JMY: variants seen among roughly 807,000 people sequenced by gnomAD.
JMY encodes junction-mediating and -regulatory protein.
JMY carries 46 observed loss-of-function variants against 103.3 expected under a neutral mutation model. The observed-to-expected ratio is 0.45, with a 90% CI of 0.35 to 0.57. JMY has a LOEUF of 0.57. Among genes scored for constraint, JMY ranks in the 20% least tolerant of loss-of-function variants. The probability of loss-of-function intolerance (pLI) is 0.00; values close to 1 mark genes in which losing one functional copy is unlikely to be tolerated. For missense variants in JMY, 1,238 were observed against 1,255.2 expected (o/e 0.99, Z 0.21); for synonymous variants, 526 against 489.3 (o/e 1.07, Z -0.99).
chr5:79,293,558 G>A (rs529817398), intron 4 of JMY, among the ~76,000 whole-genome samples: 12 of 152,116 alleles, frequency 7.9e-5, no homozygotes, highest in Non-Finnish European at 1.3e-4. Context: ...TGCGTCTGGC[G>A]CTGAGTCTTA....
At chr5:79,306,541 T>TA (rs1222948574) in intron 7 of JMY, 80 bp downstream of exon 7, 68 of 972,996 alleles carry the variant, frequency 7.0e-5, no homozygotes, top group African/African-American at 4.5e-4. Context: ...TAGAGAATGA[T>TA]AAAAAAACTT....
chr5:79,261,491 A>T (rs145691861), intron 1 of JMY, among the ~76,000 whole-genome samples: 337 of 152,210 alleles, frequency 2.2e-3, no homozygotes, highest in Non-Finnish European at 3.7e-3. Flanking sequence ...CTGGAGGTTG[A>T]GGTTATAATG....
intron 6 of JMY, 105 bp downstream of exon 6, chr5:79,300,968 A>G: frequency 1.1e-6 from 1 of 922,762 alleles, no homozygotes; most frequent in Non-Finnish European, 1.6e-6. Flanking sequence ...CTAAGTAAGC[A>G]CTATCTCTTA....
At chr5:79,242,157 G>A (rs1031922081) in intron 1 of JMY, among the ~76,000 whole-genome samples, 3 of 152,082 alleles carry the variant, frequency 2.0e-5, no homozygotes, top group Non-Finnish European at 4.4e-5. Context: ...TTGAAACCAC[G>A]GTTTGGAAGT....
chr5:79,283,621 G>A (rs1047577029), intron 2 of JMY, among the ~76,000 whole-genome samples: 3 of 152,128 alleles, frequency 2.0e-5, no homozygotes, highest in Non-Finnish European at 2.9e-5. Flanking sequence ...ACTACATTGG[G>A]TCTCAAAAAT....
intron 10 of JMY, among the ~76,000 whole-genome samples, chr5:79,318,669 TTA>T (rs1209634785): frequency 2.6e-5 from 4 of 152,128 alleles, no homozygotes; most frequent in Admixed American, 6.5e-5. Context: ...TTTGTATGAC[TTA>T]TGTTTTTGGA....
chr5:79,297,635 C>T (rs1407805644), intron 4 of JMY, among the ~76,000 whole-genome samples: 1 of 152,178 alleles, frequency 6.6e-6, no homozygotes, highest in Non-Finnish European at 1.5e-5. Flanking sequence ...TCCTTTTCTC[C>T]TTTGCTGATC....
At chr5:79,263,460 C>A (rs1745487062) in intron 1 of JMY, among the ~76,000 whole-genome samples, 1 of 152,066 alleles carries the variant, frequency 6.6e-6, no homozygotes, top group Non-Finnish European at 1.5e-5. Context: ...GTAGCGTGAT[C>A]TCAACTCACT....
At chr5:79,306,328 G>A (rs757184873) in intron 6 of JMY, 47 bp from the exon 7 acceptor site, 2 of 1,335,140 alleles carry the variant, frequency 1.5e-6, no homozygotes, top group Non-Finnish European at 2.2e-6. Flanking sequence ...GGTGTTCAGA[G>A]TCTTTCAAGT....
Position 79,305,227 on chromosome 5 carries a change from A to G in JMY, c.1882-1148A>G, listed in dbSNP as rs149132351. 1.3e-3 allele frequency among the ~76,000 whole-genome samples: 196 copies of G among 152,276 alleles called. 3 individuals are homozygous for G. The highest frequency in any genetic ancestry group is 0.011 in the East Asian group (59 of 5,178). Reference sequence around the variant, plus strand: ...AGCACTTTGGGAGGTCAAGGTGGGCAGATCACTTGAGGTCAGGAGTTCAAC... The same window carrying G: ...AGCACTTTGGGAGGTCAAGGTGGGCGGATCACTTGAGGTCAGGAGTTCAAC... On this transcript the variant is annotated intron_variant, in intron 6 of 10. Transcript: ENST00000396137.
intron 1 of JMY, among the ~76,000 whole-genome samples, chr5:79,244,159 C>T (rs1285481207): frequency 6.6e-6 from 1 of 152,098 alleles, no homozygotes; most frequent in East Asian, 1.9e-4. Flanking sequence ...TGCCACCACA[C>T]CCAGCTAACT....
At chr5:79,292,286 C>T (rs989282364) in intron 4 of JMY, among the ~76,000 whole-genome samples, 8 of 151,938 alleles carry the variant, frequency 5.3e-5, no homozygotes, top group Non-Finnish European at 1.2e-4. Flanking sequence ...AAACTTAAGT[C>T]CCTCTTTTTG....
chr5:79,237,761 G>C (rs72764988), intron 1 of JMY, 79 bp downstream of exon 1: 502,370 of 1,315,102 alleles, frequency 0.38, 98,331 homozygotes, highest in South Asian at 0.52. Context: ...GAGCCTCGGT[G>C]TCGGGTGTGC....
intron 1 of JMY, among the ~76,000 whole-genome samples, chr5:79,244,515 T>C (rs569600458): frequency 1.3e-5 from 2 of 152,312 alleles, no homozygotes; most frequent in Admixed American, 1.3e-4. Flanking sequence ...AATTCTCACA[T>C]GTAATTTTAA....
intron 1 of JMY, among the ~76,000 whole-genome samples, chr5:79,255,913 G>T (rs112916331): frequency 3.9e-5 from 6 of 152,204 alleles, no homozygotes; most frequent in African/African-American, 7.2e-5. Flanking sequence ...CTCCCCCAAG[G>T]CCTGCTATAA....
chr5:79,288,557 TTAA>T (rs1746333529), intron 2 of JMY, among the ~76,000 whole-genome samples: 1 of 152,200 alleles, frequency 6.6e-6, no homozygotes, highest in Non-Finnish European at 1.5e-5. Context: ...AATTCTACTC[TTAA>T]TATTTCCAGA....
At chr5:79,280,553 A>G (rs913424839) in intron 2 of JMY, among the ~76,000 whole-genome samples, 10 of 152,170 alleles carry the variant, frequency 6.6e-5, no homozygotes, top group Non-Finnish European at 1.3e-4. Context: ...CCCATCAATC[A>G]TGACTATTCT....
intron 3 of JMY, 36 bp downstream of exon 3, chr5:79,290,307 T>G (rs769070120): frequency 1.2e-5 from 16 of 1,301,546 alleles, no homozygotes; most frequent in East Asian, 2.7e-5. Flanking sequence ...TTAGGTATTT[T>G]TGAAAATGAG....
At chr5:79,295,896 T>C (rs1580361595) in intron 4 of JMY, among the ~76,000 whole-genome samples, 1 of 152,236 alleles carries the variant, frequency 6.6e-6, no homozygotes, top group Admixed American at 6.5e-5. Flanking sequence ...AGGCCTTAGT[T>C]TATCTTAAAT....
Sources: allele counts gnomAD v4.1 joint callset (sites outside exome capture counted in the v4.1 genomes callset), GRCh38; gene constraint gnomAD v4.1.1; transcripts MANE v1.5; gene names NCBI Gene and HGNC (gene_info 2026-07-23, HGNC 2026-07-21).